AKAP6: variants seen among roughly 807,000 people sequenced by gnomAD.
AKAP6 encodes the protein A-kinase anchoring protein 6.
In AKAP6, 58 loss-of-function variants were observed where a neutral mutation model predicts 188.5. The observed-to-expected ratio is 0.31, with a 90% CI of 0.25 to 0.38. The LOEUF (loss-of-function observed/expected upper bound fraction) is 0.38. AKAP6 is among the 10% of genes least tolerant of loss of function. AKAP6 has a pLI of 1.00. For synonymous variants in AKAP6, 989 were observed against 998.6 expected (o/e 0.99, Z 0.18); for missense variants, 2,710 against 2,740.0 (o/e 0.99, Z 0.24).
At chr14:32,753,532 C>A (rs2032218574) in intron 11 of AKAP6, among the ~76,000 whole-genome samples, 2 of 152,036 alleles carry the variant, frequency 1.3e-5, no homozygotes, top group Admixed American at 1.3e-4. Context: ...TGATGTAATT[C>A]TATCAATCTG....
intron 11 of AKAP6, among the ~76,000 whole-genome samples, chr14:32,765,685 G>A (rs532557365): frequency 2.6e-4 from 38 of 146,084 alleles, no homozygotes; most frequent in Non-Finnish European, 5.4e-4. Flanking sequence ...GACTCTATCC[G>A]AGGACATTTT....
intron 3 of AKAP6, among the ~76,000 whole-genome samples, chr14:32,542,104 C>A (rs1422455717): frequency 6.6e-6 from 1 of 152,168 alleles, no homozygotes; most frequent in Admixed American, 6.5e-5. Context: ...CCTCTCAACA[C>A]CCCTATGGCA....
chr14:32,458,164 G>C (rs1422577492), intron 2 of AKAP6, among the ~76,000 whole-genome samples: 1 of 152,162 alleles, frequency 6.6e-6, no homozygotes, highest in Non-Finnish European at 1.5e-5. Context: ...TCATTTTTAA[G>C]AAGGGTGCCC....
chr14:32,408,374 C>T (rs371805388), intron 1 of AKAP6, among the ~76,000 whole-genome samples: 48 of 151,778 alleles, frequency 3.2e-4, no homozygotes, highest in African/African-American at 1.1e-3. Context: ...GGGTCAGAGA[C>T]GTAAAAATGA....
intron 11 of AKAP6, among the ~76,000 whole-genome samples, chr14:32,752,759 A>G (rs1030166244): frequency 1.3e-5 from 2 of 152,200 alleles, no homozygotes; most frequent in Non-Finnish European, 2.9e-5. Context: ...AAAATTTTAC[A>G]TATAAATGAG....
intron 7 of AKAP6, among the ~76,000 whole-genome samples, chr14:32,629,556 T>C (rs1027241946): frequency 1.4e-4 from 21 of 151,696 alleles, no homozygotes; most frequent in African/African-American, 4.8e-4. Context: ...CATCTGTGGA[T>C]GCTCAGCTGT....
At chr14:32,764,993 G>A (rs1184345207) in intron 11 of AKAP6, among the ~76,000 whole-genome samples, 1 of 148,004 alleles carries the variant, frequency 6.8e-6, no homozygotes, top group African/African-American at 2.5e-5. Context: ...GGAATGCGGT[G>A]GTGCGATCTC....
At chr14:32,487,855 C>G (rs1232384767) in intron 2 of AKAP6, among the ~76,000 whole-genome samples, 1 of 152,226 alleles carries the variant, frequency 6.6e-6, no homozygotes, top group Non-Finnish European at 1.5e-5. Context: ...CCCTGTTTGC[C>G]TATCACCAGC....
chr14:32,535,363 C>T (rs1435620709), intron 2 of AKAP6, among the ~76,000 whole-genome samples, 191 bp from the exon 3 acceptor site: 1 of 152,162 alleles, frequency 6.6e-6, no homozygotes, highest in African/African-American at 2.4e-5. Context: ...ACCTAAATGA[C>T]CGAAGGCCCA....
intron 11 of AKAP6, among the ~76,000 whole-genome samples, chr14:32,744,799 T>C (rs759337516): frequency 3.3e-5 from 5 of 152,254 alleles, no homozygotes; most frequent in Non-Finnish European, 7.3e-5. Context: ...TTCATTGTTT[T>C]TATTCCTTTT....
intron 11 of AKAP6, among the ~76,000 whole-genome samples, chr14:32,749,808 A>G (rs2032057282): frequency 6.6e-6 from 1 of 152,216 alleles, no homozygotes; most frequent in African/African-American, 2.4e-5. Context: ...TGGAAGGACT[A>G]ACCAGAAACC....
At position 32,340,056 on chromosome 14, in the gene AKAP6, C is replaced by T. The variant is rs1201283959; in HGVS notation, c.-35+10648C>T. Among the ~76,000 whole-genome samples the T allele has an allele frequency of 2.0e-5, 3 of 150,798 alleles. No homozygotes were observed. In the East Asian group the frequency reaches 5.8e-4, roughly 29 times the overall value. On this transcript the variant is annotated intron_variant, in intron 1 of 13. Coordinates refer to ENST00000280979, the MANE Select transcript of AKAP6 (RefSeq NM_004274.5). ...ATGCCTTTTTCTTTAAAAAGACAAG[C>T]AATATCCAAAAGCAGTAGAAAGACA...
At chr14:32,335,585 GA>G (rs1301074700) in intron 1 of AKAP6, among the ~76,000 whole-genome samples, 1 of 152,116 alleles carries the variant, frequency 6.6e-6, no homozygotes, top group East Asian at 1.9e-4. Flanking sequence ...GGCAATGGGG[GA>G]TATATTACAT....
intron 7 of AKAP6, among the ~76,000 whole-genome samples, chr14:32,673,685 C>T (rs141470197): frequency 1.3e-3 from 203 of 152,142 alleles, no homozygotes; most frequent in Middle Eastern, 6.8e-3. Context: ...CAGTGAGCCA[C>T]GATTGTGTCA....
Position 32,508,850 on chromosome 14 carries a change from G to A in AKAP6, c.325-26704G>A, listed in dbSNP as rs1047230995. 2.7e-5 allele frequency among the ~76,000 whole-genome samples: 4 copies of A among 148,474 alleles called. No individual in the cohort carries two copies. The East Asian group carries it at 5.9e-4, about 22-fold the overall frequency. ...TACCTACTTTTTTTTTTTTTGATAC[G>A]GAGTCTCGCTCTGTTGCCAGGCTGG... is the stretch of plus-strand genomic sequence containing the variant. On this transcript the variant is annotated intron_variant, in intron 2 of 13. Coordinates refer to ENST00000280979, the MANE Select transcript of AKAP6 (RefSeq NM_004274.5).
chr14:32,517,130 G>A (rs962451872), intron 2 of AKAP6, among the ~76,000 whole-genome samples: 6 of 152,176 alleles, frequency 3.9e-5, no homozygotes, highest in African/African-American at 1.2e-4. Flanking sequence ...TTCTGAATAT[G>A]ACAGAATCAA....
At chr14:32,439,841 C>T (rs575577992) in intron 2 of AKAP6, among the ~76,000 whole-genome samples, 82 of 152,164 alleles carry the variant, frequency 5.4e-4, no homozygotes, top group African/African-American at 1.8e-3. Flanking sequence ...TGTTAAAGCC[C>T]GAAGCATTCA....
At chr14:32,817,756 T>A (rs564471670) in intron 12 of AKAP6, among the ~76,000 whole-genome samples, 280 of 152,254 alleles carry the variant, frequency 1.8e-3, no homozygotes, top group African/African-American at 6.2e-3. Context: ...GTGCCTTTTT[T>A]AAAAAGTACC....
chr14:32,744,608 C>T (rs1218890039), intron 11 of AKAP6, among the ~76,000 whole-genome samples: 1 of 152,138 alleles, frequency 6.6e-6, no homozygotes, highest in Non-Finnish European at 1.5e-5. Context: ...TGAGCCACTG[C>T]ACCCGGTCCT....
Sources: gnomAD v4.1 joint callset for allele counts (sites outside exome capture counted in the v4.1 genomes callset) on GRCh38, gnomAD v4.1.1 for gene constraint, MANE v1.5 for transcripts, NCBI Gene and HGNC (gene_info 2026-07-23, HGNC 2026-07-21) for gene names.